Variants in TTC17 observed in about 807,000 individuals in gnomAD.
The protein encoded by TTC17 is tetratricopeptide repeat protein 17.
TTC17 carries 58 observed loss-of-function variants against 143.8 expected under a neutral mutation model. That is an observed-to-expected ratio of 0.40 (90% CI 0.33 to 0.50). TTC17 has a LOEUF of 0.50. Ranked by LOEUF, TTC17 falls within the 20% of genes least tolerant of loss-of-function variation. TTC17 has a pLI of 0.49. For missense variants in TTC17, 1,273 were observed against 1,392.5 expected, an observed-to-expected ratio of 0.91 and a Z score of 1.37; for synonymous variants, 501 against 497.8, an observed-to-expected ratio of 1.01 and a Z score of -0.09.
chr11:43,374,418 C>T (rs1856685848), intron 1 of TTC17, among the ~76,000 whole-genome samples: 1 of 151,986 alleles, frequency 6.6e-6, no homozygotes, highest in Non-Finnish European at 1.5e-5. Flanking sequence ...CAGAAATGGA[C>T]AAGTGGGACC....
chr11:43,384,453 C>T (rs994145794), intron 2 of TTC17, among the ~76,000 whole-genome samples: 2 of 152,082 alleles, frequency 1.3e-5, no homozygotes, highest in African/African-American at 4.8e-5. Flanking sequence ...CCCGGGAGTT[C>T]GAGACCAACC....
rs1409318265 is a variant in TTC17, at chr11:43,494,584, T to G, written c.*680T>G. On this transcript the variant is annotated 3_prime_UTR_variant, in exon 24 of 24. Coordinates refer to ENST00000039989, the MANE Select transcript of TTC17 (RefSeq NM_018259.6). Reference sequence around the variant, plus strand: ...AAGGGGAAATCAGCAGTGTGCAACATCTTTATAATTTGTACTTTAATTACA... The same window carrying G: ...AAGGGGAAATCAGCAGTGTGCAACAGCTTTATAATTTGTACTTTAATTACA... 3 of 152,210 alleles carry G rather than the reference T, an allele frequency of 2.0e-5. No homozygotes were observed. Among genetic ancestry groups the G allele is most frequent in the Non-Finnish European group, 4.4e-5 (3 of 68,028 alleles). The allele number at this position is 152,210 out of a possible 1,614,324, so 9.4% of individuals were successfully genotyped here. A position where few individuals can be genotyped will look rare whatever the true frequency, so the allele number is the denominator to read the frequency against.
chr11:43,432,725 A>G lies in TTC17; in HGVS notation c.2252-10600A>G, dbSNP rs1298172729. Among the ~76,000 whole-genome samples the G allele has an allele frequency of 2.0e-5, 3 of 152,162 alleles. No individual in the cohort carries two copies. In the East Asian group the frequency reaches 5.8e-4, roughly 29 times the overall value. On this transcript the variant is annotated intron_variant, in intron 16 of 23. Coordinates refer to ENST00000039989, the MANE Select transcript of TTC17 (RefSeq NM_018259.6). ...TCCAATATTTTCCTGTGTTTCTTTC[A>G]TGAGAACATCATTCCGACCTCTGCC... is the stretch of plus-strand genomic sequence containing the variant.
Position 43,405,583 on chromosome 11 carries a change from G to T in TTC17, c.1549G>T (p.Gly517Trp), listed in dbSNP as rs1858082204. 6.2e-7 allele frequency: 1 copy of T among 1,613,840 alleles called. No individual in the cohort carries two copies. Among genetic ancestry groups the T allele is most frequent in the South Asian group, 1.1e-5 (1 of 91,078 alleles). The change falls in exon 12 of 24, where the codon GGG (glycine) becomes TGG (tryptophan). Residue 517 changes from glycine to tryptophan, a missense_variant. Transcript: ENST00000039989. ...TESYPRVPVG[G>W]ELPTYFLPPE... ...AAGCTACCCTAGAGTCCCTGTTGGT[G>T]GGGAATTGCCAACGTATTTTCTGCC...
chr11:43,401,956 C>T (rs568477757), intron 10 of TTC17, among the ~76,000 whole-genome samples: 1 of 150,400 alleles, frequency 6.6e-6, no homozygotes, highest in South Asian at 2.1e-4. Context: ...CCAGCCTGGG[C>T]AACAGAGCAA....
At chr11:43,458,963 G>A (rs57395933) in intron 21 of TTC17, among the ~76,000 whole-genome samples, 25,999 of 131,388 alleles carry the variant, frequency 0.2, 2,926 homozygotes, top group Non-Finnish European at 0.29. Context: ...GTTTGTATAA[G>A]GTTCGAATAG....
At chr11:43,406,016 T>C (rs1265076923) in intron 13 of TTC17, 65 bp downstream of exon 13, 2 of 1,524,748 alleles carry the variant, frequency 1.3e-6, no homozygotes, top group Middle Eastern at 1.8e-4. Flanking sequence ...GCCTCTTAAA[T>C]GGAACAAAAA....
intron 21 of TTC17, among the ~76,000 whole-genome samples, chr11:43,457,506 G>C (rs889314376): frequency 1.3e-5 from 2 of 151,992 alleles, no homozygotes; most frequent in African/African-American, 4.8e-5. Flanking sequence ...TAGATTTACA[G>C]ATAATAGAGA....
chr11:43,485,209 G>A (rs377066148), intron 21 of TTC17, among the ~76,000 whole-genome samples: 54 of 152,144 alleles, frequency 3.5e-4, no homozygotes, highest in African/African-American at 1.2e-3. Flanking sequence ...AAAAGGTTGG[G>A]GACCTCTGCT....
intron 21 of TTC17, chr11:43,486,349 C>T (rs1373860601): frequency 2.4e-6 from 1 of 421,298 alleles, no homozygotes; most frequent in African/African-American, 2.0e-5. Flanking sequence ...GTAGAAGCTC[C>T]CTGCCTGTCA....
intron 20 of TTC17, 71 bp downstream of exon 20, chr11:43,450,312 A>G (rs1947632861): frequency 6.8e-7 from 1 of 1,477,202 alleles, no homozygotes; most frequent in African/African-American, 1.4e-5. Context: ...CTACATAGAA[A>G]GCCCAGGTGA....
chr11:43,377,479 AT>A (rs1397268644), intron 1 of TTC17, among the ~76,000 whole-genome samples: 21 of 152,324 alleles, frequency 1.4e-4, no homozygotes, highest in African/African-American at 5.1e-4. Flanking sequence ...CAAGTCATAC[AT>A]CTTAAAATTT....
At chr11:43,405,396 T>C (rs7951848) in intron 11 of TTC17, 118 bp from the exon 12 acceptor site, 284,701 of 769,284 alleles carry the variant, frequency 0.37, 55,585 homozygotes, top group South Asian at 0.46. Flanking sequence ...GAGTCTACCA[T>C]AATCTTAAGA....
chr11:43,401,749 C>G, intron 10 of TTC17, 191 bp downstream of exon 10: 1 of 468,748 alleles, frequency 2.1e-6, no homozygotes, highest in East Asian at 3.9e-5. Flanking sequence ...GAGGCAGAGG[C>G]AGAAGGATCA....
chr11:43,381,357 C>T (rs1856960600), intron 2 of TTC17, among the ~76,000 whole-genome samples: 2 of 152,150 alleles, frequency 1.3e-5, no homozygotes. Flanking sequence ...GTGGCCAAAG[C>T]TACCGACCTT....
chr11:43,400,194 G>T, intron 9 of TTC17, 146 bp downstream of exon 9: 2 of 903,810 alleles, frequency 2.2e-6, no homozygotes. Context: ...TCATCACTGT[G>T]GGTATACCAG....
intron 16 of TTC17, among the ~76,000 whole-genome samples, chr11:43,415,980 T>C (rs534624852): frequency 1.5e-3 from 232 of 152,244 alleles, no homozygotes; most frequent in African/African-American, 5.1e-3. Context: ...TGCCATTACT[T>C]TCTTTTTTAT....
intron 16 of TTC17, among the ~76,000 whole-genome samples, chr11:43,427,252 A>G (rs1249423300): frequency 6.6e-6 from 1 of 152,154 alleles, no homozygotes; most frequent in African/African-American, 2.4e-5. Flanking sequence ...CAGATGGTAA[A>G]CACTAAGGGT....
intron 15 of TTC17, among the ~76,000 whole-genome samples, chr11:43,414,302 T>A (rs1431412626): frequency 6.6e-6 from 1 of 152,198 alleles, no homozygotes; most frequent in Non-Finnish European, 1.5e-5. Flanking sequence ...GGGAACCTCC[T>A]GGAGTACTGA....
Sources: allele counts gnomAD v4.1 joint callset (sites outside exome capture counted in the v4.1 genomes callset), GRCh38; gene constraint gnomAD v4.1.1; transcripts MANE v1.5; gene names NCBI Gene and HGNC (gene_info 2026-07-23, HGNC 2026-07-21).